The following HHLA2 variants were observed in gnomAD, a reference collection of about 807,000 sequenced individuals.
HHLA2 encodes HERV-H LTR-associating protein 2.
A neutral mutation model predicts 45.9 loss-of-function variants in HHLA2; 48 were observed. The observed-to-expected ratio is 1.05, with a 90% CI of 0.83 to 1.33. The LOEUF is 1.33. Among genes scored for constraint, HHLA2 ranks in the 40% most tolerant of loss-of-function variants. The pLI is 0.00. For synonymous variants in HHLA2, 161 were observed against 173.9 expected, an observed-to-expected ratio of 0.93 and a Z score of 0.59; for missense variants, 462 against 494.3, an observed-to-expected ratio of 0.93 and a Z score of 0.62.
intron 2 of HHLA2, among the ~76,000 whole-genome samples, chr3:108,323,292 C>T (rs1311754645): frequency 1.3e-5 from 2 of 152,040 alleles, no homozygotes; most frequent in African/African-American, 4.8e-5. Flanking sequence ...GTTTTTAACT[C>T]AAAGGATAAT....
chr3:108,314,387 T>G (rs540276171), intron 2 of HHLA2, among the ~76,000 whole-genome samples: 2 of 152,258 alleles, frequency 1.3e-5, no homozygotes, highest in Non-Finnish European at 2.9e-5. Context: ...AGGCTGGCCT[T>G]TTTTCCATTT....
intron 3 of HHLA2, among the ~76,000 whole-genome samples, chr3:108,332,269 G>C (rs962639412): frequency 6.6e-6 from 1 of 152,180 alleles, no homozygotes; most frequent in Admixed American, 6.6e-5. Context: ...GGTGGGACTA[G>C]TGAGTTCCAA....
At chr3:108,297,923 C>T (rs1028371636) in intron 1 of HHLA2, among the ~76,000 whole-genome samples, 2 of 152,200 alleles carry the variant, frequency 1.3e-5, no homozygotes, top group Non-Finnish European at 1.5e-5. Flanking sequence ...GGTGTTTTTC[C>T]TCCTGAGGTT....
intron 3 of HHLA2, among the ~76,000 whole-genome samples, chr3:108,350,541 G>A (rs774500381): frequency 6.6e-6 from 1 of 152,050 alleles, no homozygotes; most frequent in Non-Finnish European, 1.5e-5. Flanking sequence ...ACATGTGCAG[G>A]CTTGTTACAT....
intron 3 of HHLA2, among the ~76,000 whole-genome samples, chr3:108,339,882 G>A (rs2081536218): frequency 2.0e-5 from 3 of 152,174 alleles, no homozygotes; most frequent in Admixed American, 2.0e-4. Flanking sequence ...TTTGTCAGGT[G>A]TGTCACTTTT....
chr3:108,348,176 G>C (rs1352711930), intron 3 of HHLA2, among the ~76,000 whole-genome samples: 1 of 151,840 alleles, frequency 6.6e-6, no homozygotes, highest in Non-Finnish European at 1.5e-5. Flanking sequence ...CACATAAATA[G>C]GGCAAGCAGA....
intron 7 of HHLA2, among the ~76,000 whole-genome samples, chr3:108,361,719 G>A (rs957288629): frequency 2.0e-5 from 3 of 152,022 alleles, no homozygotes; most frequent in Non-Finnish European, 4.4e-5. Context: ...GTATCCCCCA[G>A]GGATAAGGCG....
At chr3:108,330,398 C>T (rs1282055043) in intron 3 of HHLA2, among the ~76,000 whole-genome samples, 3 of 152,168 alleles carry the variant, frequency 2.0e-5, no homozygotes, top group Non-Finnish European at 2.9e-5. Context: ...TGGGCTGCAC[C>T]TGTGAATATG....
At chr3:108,361,084 C>A (rs370560108) in intron 7 of HHLA2, among the ~76,000 whole-genome samples, 7 of 152,086 alleles carry the variant, frequency 4.6e-5, no homozygotes, top group Admixed American at 4.6e-4. Flanking sequence ...TCTCTGGAGT[C>A]CCCATTTCCA....
At chr3:108,343,441 C>G (rs939025855) in intron 3 of HHLA2, among the ~76,000 whole-genome samples, 1 of 152,294 alleles carries the variant, frequency 6.6e-6, no homozygotes, top group East Asian at 1.9e-4. Context: ...GGTTAGCAAC[C>G]GCTTTAAATT....
chr3:108,359,526 T>C (rs990600275), intron 7 of HHLA2, among the ~76,000 whole-genome samples: 4 of 152,212 alleles, frequency 2.6e-5, no homozygotes, highest in Non-Finnish European at 5.9e-5. Flanking sequence ...GGGGTACTTA[T>C]GATTCCTCGA....
At chr3:108,338,556 T>C (rs1268098239) in intron 3 of HHLA2, among the ~76,000 whole-genome samples, 1 of 152,198 alleles carries the variant, frequency 6.6e-6, no homozygotes, top group African/African-American at 2.4e-5. Flanking sequence ...GATTGATTTC[T>C]TTCTGTTGAA....
At chr3:108,319,577 A>G (rs752178815) in intron 2 of HHLA2, among the ~76,000 whole-genome samples, 9 of 152,238 alleles carry the variant, frequency 5.9e-5, no homozygotes, top group Non-Finnish European at 1.3e-4. Context: ...CTGTTCTTGC[A>G]AAACTTGGTG....
intron 2 of HHLA2, among the ~76,000 whole-genome samples, chr3:108,322,203 A>T (rs1260678845): frequency 6.6e-6 from 1 of 152,220 alleles, no homozygotes; most frequent in Non-Finnish European, 1.5e-5. Flanking sequence ...ACTGTGGGCC[A>T]TGCCTCTCAG....
intron 3 of HHLA2, among the ~76,000 whole-genome samples, chr3:108,336,767 G>A (rs1230898526): frequency 6.6e-6 from 1 of 151,740 alleles, no homozygotes. Flanking sequence ...CTAGGAACTG[G>A]AACAGCTCAA....
chr3:108,352,894 C>G (rs1034406366), intron 4 of HHLA2, among the ~76,000 whole-genome samples: 3 of 152,176 alleles, frequency 2.0e-5, no homozygotes, highest in Admixed American at 6.5e-5. Context: ...CTGCTCATGT[C>G]CTTCCCTATT....
chr3:108,330,976 G>T (rs913928197), intron 3 of HHLA2, among the ~76,000 whole-genome samples: 1 of 152,172 alleles, frequency 6.6e-6, no homozygotes, highest in Admixed American at 6.6e-5. Context: ...TTGTGGTGAG[G>T]TCCCCAAGGA....
intron 1 of HHLA2, among the ~76,000 whole-genome samples, chr3:108,308,049 G>A (rs73204138): frequency 0.079 from 11,950 of 152,104 alleles, 549 homozygotes; most frequent in Non-Finnish European, 0.092. Context: ...TTTAAAATGT[G>A]CAATTATGTT....
chr3:108,374,454 G>A (rs1281610940), intron 8 of HHLA2, among the ~76,000 whole-genome samples: 1 of 149,402 alleles, frequency 6.7e-6, no homozygotes, highest in Non-Finnish European at 1.5e-5. Context: ...AAAAGCAATG[G>A]CAACAAAAGA....
Sources: allele counts gnomAD v4.1 joint callset (sites outside exome capture counted in the v4.1 genomes callset), GRCh38; gene constraint gnomAD v4.1.1; transcripts MANE v1.5; gene names NCBI Gene and HGNC (gene_info 2026-07-23, HGNC 2026-07-21).